Variants in HMOX2 observed in about 807,000 individuals in gnomAD.
HMOX2 encodes heme oxygenase (decycling) 2.
HMOX2 carries 30 observed loss-of-function variants against 33.7 expected under a neutral mutation model. The observed-to-expected ratio is 0.89, with a 90% CI of 0.67 to 1.21. The LOEUF (loss-of-function observed/expected upper bound fraction) is 1.21, where lower values mean the gene tolerates loss of function less well. Among genes scored for constraint, HMOX2 ranks in the 50% most tolerant of loss-of-function variants. HMOX2 has a pLI of 0.00. For missense variants in HMOX2, 403 were observed against 399.1 expected (o/e 1.01, Z -0.08); for synonymous variants, 155 against 155.0 (o/e 1.00, Z 0.00).
chr16:4,509,507 ATGCCCTTTC>A lies in HMOX2; in HGVS notation c.794_802del (p.Cys265_Phe267del). On this transcript the variant is annotated inframe_deletion, in exon 5 of 6. Coordinates refer to ENST00000570646, the MANE Select transcript of HMOX2 (RefSeq NM_002134.4). ...ACGATGGGAAAGGAGACATGCGTAA[ATGCCCTTTC>A]TACGCTGCTGAACAAGACAAAGGTA... 6.2e-7 allele frequency: 1 copy of A among 1,614,146 alleles called. No individual in the cohort carries two copies. The highest frequency in any genetic ancestry group is 8.5e-7 in the Non-Finnish European group (1 of 1,180,020).
At chr16:4,504,354 ATTTTTTT>A (rs34314976) in intron 1 of HMOX2, among the ~76,000 whole-genome samples, 173 of 72,886 alleles carry the variant, frequency 2.4e-3, no homozygotes, top group African/African-American at 4.7e-3. Flanking sequence ...GTAACTTTCA[ATTTTTTT>A]TTTTTTTTTT....
chr16:4,498,475 A>G (rs1334554286), intron 1 of HMOX2, among the ~76,000 whole-genome samples: 1 of 152,030 alleles, frequency 6.6e-6, no homozygotes, highest in Non-Finnish European at 1.5e-5. Flanking sequence ...CCTGGGGTCA[A>G]AAGATCCTCT....
At chr16:4,486,722 C>G (rs548023632) in intron 1 of HMOX2, among the ~76,000 whole-genome samples, 1 of 152,126 alleles carries the variant, frequency 6.6e-6, no homozygotes, top group Non-Finnish European at 1.5e-5. Context: ...GATAAGAGAC[C>G]GTGCCCAGAG....
intron 1 of HMOX2, among the ~76,000 whole-genome samples, chr16:4,491,070 A>G (rs2058294223): frequency 6.6e-6 from 1 of 152,206 alleles, no homozygotes; most frequent in Non-Finnish European, 1.5e-5. Flanking sequence ...GTCTCCAAAC[A>G]TGTTCCTTGG....
rs1275526145 is a variant in HMOX2, at chr16:4,508,102, C to G, written c.594C>G (p.Phe198Leu). The G allele has an allele frequency of 3.1e-6, 5 of 1,614,058 alleles. No homozygotes were observed. The highest frequency in any genetic ancestry group is 3.4e-6 in the Non-Finnish European group (4 of 1,180,036). The change falls in exon 4 of 6, where the codon TTC becomes TTG. Residue 198 changes from phenylalanine to leucine, a missense_variant. Physicochemically the swap from Phe to Leu is conservative, Grantham distance 22. Coordinates refer to ENST00000570646, the MANE Select transcript of HMOX2 (RefSeq NM_002134.4). The stretch of plus-strand genomic sequence containing the variant: ...AGAATGTGGACAATGCCCAGCAGTT[C>G]AAGCAGCTCTACCGGGCCAGGATGA... ...LFENVDNAQQFKQLYRARMNA... is the reference protein window; with the variant it reads ...LFENVDNAQQLKQLYRARMNA...
chr16:4,508,233 G>A (rs2141612516), intron 4 of HMOX2, 29 bp downstream of exon 4: 1 of 1,568,396 alleles, frequency 6.4e-7, no homozygotes, highest in South Asian at 1.2e-5. Flanking sequence ...AGCTGCTAGG[G>A]CTGAAGAGGG....
At chr16:4,498,204 A>G (rs1045244983) in intron 1 of HMOX2, among the ~76,000 whole-genome samples, 2 of 150,762 alleles carry the variant, frequency 1.3e-5, no homozygotes, top group African/African-American at 4.9e-5. Flanking sequence ...ATTTGGGATT[A>G]GAGTCACACA....
At chr16:4,502,825 C>G (rs2058591507) in intron 1 of HMOX2, 1 of 152,090 alleles carries the variant, frequency 6.6e-6, no homozygotes, top group Non-Finnish European at 1.5e-5. Flanking sequence ...CTCAAGAAAT[C>G]CTCCTACATC....
In HMOX2 at chr16:4,505,582, G is replaced by C. The variant is rs1193980393; in HGVS notation, c.58G>C (p.Gly20Arg). ...AGACGAGTCAGAAAAAAAGAACTCT[G>C]GGGCCCTAGAAAAGGAGAACCAAAT... is the stretch of plus-strand genomic sequence containing the variant. ...GVDESEKKNS[G>R]ALEKENQMRM... Residue 20 changes from glycine to arginine, a missense_variant, in exon 2 of 6, where the codon GGG (glycine) becomes CGG (arginine). Coordinates refer to ENST00000570646, the MANE Select transcript of HMOX2 (RefSeq NM_002134.4). 6.2e-7 allele frequency: 1 copy of C among 1,601,640 alleles called. No individual in the cohort carries two copies. Among genetic ancestry groups the C allele is most frequent in the African/African-American group, 1.3e-5 (1 of 74,496 alleles).
At chr16:4,496,766 G>T (rs1013324780) in intron 1 of HMOX2, 1 of 152,190 alleles carries the variant, frequency 6.6e-6, no homozygotes, top group Non-Finnish European at 1.5e-5. Context: ...GTATACCCAG[G>T]TCTGTCAGAC....
chr16:4,496,564 C>G (rs996818274), intron 1 of HMOX2: 1 of 152,346 alleles, frequency 6.6e-6, no homozygotes, highest in East Asian at 1.9e-4. Context: ...TGTGGTGACA[C>G]TATACTAATC....
intron 1 of HMOX2, among the ~76,000 whole-genome samples, chr16:4,486,239 C>T (rs1402927705): frequency 2.0e-5 from 3 of 152,144 alleles, no homozygotes; most frequent in Non-Finnish European, 4.4e-5. Flanking sequence ...GACAGAAACC[C>T]TAGGACATTC....
chr16:4,508,880 G>C (rs1291649615), intron 4 of HMOX2, among the ~76,000 whole-genome samples: 1 of 152,210 alleles, frequency 6.6e-6, no homozygotes, highest in Non-Finnish European at 1.5e-5. Context: ...TCCCAGGGGA[G>C]ACCCAGCATT....
chr16:4,485,692 G>A (rs1054309456), intron 1 of HMOX2, among the ~76,000 whole-genome samples: 1 of 152,006 alleles, frequency 6.6e-6, no homozygotes, highest in Admixed American at 6.6e-5. Flanking sequence ...TTTTAGAACA[G>A]GGATTGATTT....
intron 1 of HMOX2, among the ~76,000 whole-genome samples, chr16:4,479,726 ATTTTTTTTTTTTTTTTTTTT>A (rs58936845): frequency 3.8e-5 from 3 of 79,874 alleles, no homozygotes; most frequent in Admixed American, 3.3e-4. Flanking sequence ...TTCTTATTCT[ATTTTTTTTTTTTTTTTTTTT>A]TTTTTTTTTT....
chr16:4,508,256 T>C (rs754350119), intron 4 of HMOX2, 52 bp downstream of exon 4: 2 of 1,545,754 alleles, frequency 1.3e-6, no homozygotes, highest in Admixed American at 3.8e-5. Context: ...ACTTTGACAG[T>C]GGTAGCAGAT....
chr16:4,503,110 C>T lies in HMOX2; in HGVS notation c.-41-2374C>T, dbSNP rs572102392. 4.6e-5 allele frequency among the ~76,000 whole-genome samples: 7 copies of T among 152,008 alleles called. No homozygotes were observed. The East Asian group carries it at 5.8e-4, about 13-fold the overall frequency. ...GATTACAGGCGTGAGCCACCGCGCC[C>T]GGCTAGCAAAGCTGTACTTTTACCA... On this transcript the variant is annotated intron_variant, in intron 1 of 5. Transcript: ENST00000570646.
At chr16:4,506,822 C>A in intron 2 of HMOX2, 73 bp from the exon 3 acceptor site, 1 of 1,136,262 alleles carries the variant, frequency 8.8e-7, no homozygotes, top group Non-Finnish European at 1.3e-6. Flanking sequence ...TGGACTCAAT[C>A]TTCTCTCTAT....
chr16:4,499,942 A>T (rs1022176549), intron 1 of HMOX2, among the ~76,000 whole-genome samples: 5 of 152,246 alleles, frequency 3.3e-5, no homozygotes, highest in African/African-American at 9.6e-5. Flanking sequence ...CTTGTTACAC[A>T]CACAGGCACA....
Sources: gnomAD v4.1 joint callset for allele counts (sites outside exome capture counted in the v4.1 genomes callset) on GRCh38, gnomAD v4.1.1 for gene constraint, MANE v1.5 for transcripts, NCBI Gene and HGNC (gene_info 2026-07-23, HGNC 2026-07-21) for gene names.